VPS4B: variants seen among roughly 807,000 people sequenced by gnomAD.
VPS4B encodes vacuolar protein sorting 4 homolog B, also known as vacuolar protein sorting-associated protein 4B.
In VPS4B, 23 loss-of-function variants were observed where a neutral mutation model predicts 56.1. That is an observed-to-expected ratio of 0.41 (90% CI 0.30 to 0.58). The LOEUF is 0.58. Ranked by LOEUF, VPS4B falls within the 20% of genes least tolerant of loss-of-function variation. The pLI, the probability that VPS4B is intolerant of heterozygous loss-of-function variation, is 0.29. For synonymous variants in VPS4B, 177 were observed against 186.0 expected (o/e 0.95, Z 0.39); for missense variants, 372 against 531.9 (o/e 0.70, Z 2.96).
At chr18:63,417,244 C>G (rs147464516) in intron 1 of VPS4B, among the ~76,000 whole-genome samples, 1 of 152,138 alleles carries the variant, frequency 6.6e-6, no homozygotes, top group Non-Finnish European at 1.5e-5. Flanking sequence ...AAACACTGTT[C>G]GGTGTTAGTT....
At chr18:63,415,452 G>A in intron 1 of VPS4B, 1 of 295,476 alleles carries the variant, frequency 3.4e-6, no homozygotes, top group Non-Finnish European at 7.0e-6. Flanking sequence ...CTCTGTATAT[G>A]ACTTTCACTT....
At chr18:63,403,974 A>T (rs1236640285) in intron 4 of VPS4B, 148 bp from the exon 5 acceptor site, 1 of 898,208 alleles carries the variant, frequency 1.1e-6, no homozygotes, top group East Asian at 2.8e-5. Flanking sequence ...GTGAGCAGGA[A>T]GCAGGTGTTA....
intron 1 of VPS4B, among the ~76,000 whole-genome samples, chr18:63,413,042 G>A (rs112414226): frequency 9.9e-4 from 151 of 152,204 alleles, no homozygotes; most frequent in Non-Finnish European, 1.6e-3. Flanking sequence ...AACTAGTATC[G>A]AGAATACATA....
At chr18:63,403,942 C>T (rs893358726) in intron 4 of VPS4B, 116 bp from the exon 5 acceptor site, 1 of 1,188,458 alleles carries the variant, frequency 8.4e-7, no homozygotes, top group African/African-American at 1.6e-5. Flanking sequence ...GTTTTATGTA[C>T]TAACAACCTT....
chr18:63,408,435 G>A (rs1915964425), intron 3 of VPS4B, among the ~76,000 whole-genome samples: 1 of 152,118 alleles, frequency 6.6e-6, no homozygotes. Context: ...ATGCTGTCCA[G>A]TACTATAAAG....
intron 3 of VPS4B, 126 bp downstream of exon 3, chr18:63,410,164 A>C (rs1599363632): frequency 1.2e-5 from 16 of 1,283,710 alleles, no homozygotes; most frequent in Non-Finnish European, 1.7e-5. Flanking sequence ...AGCTTATTCC[A>C]AAAACAGGCA....
At chr18:63,412,634 C>T (rs1298275896) in intron 1 of VPS4B, among the ~76,000 whole-genome samples, 2 of 152,140 alleles carry the variant, frequency 1.3e-5, no homozygotes, top group Admixed American at 6.5e-5. Context: ...ATACTTCCTA[C>T]AAAAATTAAC....
At chr18:63,409,695 A>AT (rs1568088960) in intron 3 of VPS4B, among the ~76,000 whole-genome samples, 1 of 152,212 alleles carries the variant, frequency 6.6e-6, no homozygotes, top group Non-Finnish European at 1.5e-5. Context: ...TTCAACGTTT[A>AT]TAAGTTATGC....
Position 63,400,032 on chromosome 18 carries a change from A to G in VPS4B, c.790+16T>C, listed in dbSNP as rs750678159. The stretch of plus-strand genomic sequence containing the variant: ...AGACTCCGTCTCAAAAAGAAAAAAA[A>G]AATTAGTAACACTACCTTGCATTTG... On this transcript the variant is annotated intron_variant, in intron 7 of 10. Transcript: ENST00000238497. The G allele has an allele frequency of 5.0e-6, 8 of 1,591,036 alleles. No homozygotes were observed. The highest frequency in any genetic ancestry group is 1.2e-5 in the South Asian group (1 of 86,580).
At chr18:63,391,191 T>C in intron 10 of VPS4B, 115 bp from the exon 11 acceptor site, 1 of 697,756 alleles carries the variant, frequency 1.4e-6, no homozygotes, top group South Asian at 1.7e-5. Flanking sequence ...TATGAATATT[T>C]GCAGTCTGCC....
chr18:63,417,871 T>C (rs1301542708), intron 1 of VPS4B, among the ~76,000 whole-genome samples: 1 of 152,162 alleles, frequency 6.6e-6, no homozygotes, highest in South Asian at 2.1e-4. Flanking sequence ...ACATGTGGAA[T>C]TGTCCTGTTC....
chr18:63,403,890 T>G (rs1182692826), intron 4 of VPS4B, 64 bp from the exon 5 acceptor site: 16 of 1,526,058 alleles, frequency 1.0e-5, no homozygotes, highest in Non-Finnish European at 1.4e-5. Context: ...GAAGACAACA[T>G]GAAATAATGA....
chr18:63,393,222 A>G (rs1915594646), intron 10 of VPS4B, among the ~76,000 whole-genome samples, 187 bp downstream of exon 10: 1 of 152,214 alleles, frequency 6.6e-6, no homozygotes, highest in African/African-American at 2.4e-5. Context: ...TAAACCCAAG[A>G]AAATAGTTTA....
chr18:63,415,564 A>G, intron 1 of VPS4B: 1 of 277,988 alleles, frequency 3.6e-6, no homozygotes. Flanking sequence ...GTCCAGCTGG[A>G]ATTCAATTTT....
At position 63,419,489 on chromosome 18, in the gene VPS4B, T is replaced by C. The variant is rs140238467; in HGVS notation, c.27+2744A>G. 1.1e-4 allele frequency among the ~76,000 whole-genome samples: 17 copies of C among 152,266 alleles called. No homozygotes were observed. The East Asian group carries it at 3.3e-3, about 29-fold the overall frequency. On this transcript the variant is annotated intron_variant, in intron 1 of 10. Transcript: ENST00000238497. Reference sequence around the variant, plus strand: ...TCAATTTTTCTCCTTTGATCAATCCTTTCCACTTCATTTGAATGGATACTC... The same window carrying C: ...TCAATTTTTCTCCTTTGATCAATCCCTTCCACTTCATTTGAATGGATACTC...
rs901607342 is a variant in VPS4B at position 63,393,381 on chromosome 18, T to C, written c.1233+28A>G. ...TATGAAGTATAATGTTTTAAAATAT[T>C]TTCTTAAAAACAAACAAAATTTCAA... On this transcript the variant is annotated intron_variant, in intron 10 of 10. Transcript: ENST00000238497. The C allele has an allele frequency of 3.8e-6, 6 of 1,560,136 alleles. No homozygotes were observed. In the South Asian group the frequency reaches 6.1e-5, roughly 16 times the overall value.
chr18:63,389,212 T>G lies in VPS4B; in HGVS notation c.*1763A>C, dbSNP rs1357905947. On this transcript the variant is annotated 3_prime_UTR_variant, in exon 11 of 11. Transcript: ENST00000238497. ...GAATTTTCATATATACATTAATAAT[T>G]TTAATGATTTCTTTGTATCTAACCA... 6.6e-6 allele frequency: 1 copy of G among 151,854 alleles called. No individual in the cohort carries two copies. The highest frequency in any genetic ancestry group is 2.4e-5 in the African/African-American group (1 of 41,318). 9.4% of individuals were successfully genotyped at this position (151,854 alleles called of 1,614,324 possible).
chr18:63,411,650 T>C (rs891477520), intron 1 of VPS4B, 72 bp from the exon 2 acceptor site: 3 of 1,068,400 alleles, frequency 2.8e-6, no homozygotes, highest in Non-Finnish European at 3.7e-6. Flanking sequence ...ATAATCATAC[T>C]GAAAGTTTTT....
intron 3 of VPS4B, among the ~76,000 whole-genome samples, chr18:63,410,048 C>T (rs556943994): frequency 7.9e-4 from 120 of 152,234 alleles, no homozygotes; most frequent in African/African-American, 2.8e-3. Context: ...TTTTAGGTTT[C>T]GTGGGCCATA....
Sources: allele counts gnomAD v4.1 joint callset (sites outside exome capture counted in the v4.1 genomes callset), GRCh38; gene constraint gnomAD v4.1.1; transcripts MANE v1.5; gene names NCBI Gene and HGNC (gene_info 2026-07-23, HGNC 2026-07-21).